The following LANCL3 variants were observed in gnomAD, a reference collection of about 807,000 sequenced individuals.
LANCL3 encodes LanC like family member 3.
Under a neutral mutation model 26.5 loss-of-function variants are expected in LANCL3, and 19 were observed. The ratio of observed to expected loss-of-function variants is 0.72; its 90% confidence interval spans 0.50 to 1.05. The LOEUF is 1.05. Ranked by LOEUF, LANCL3 falls within the 50% of genes least tolerant of loss-of-function variation. The pLI is 0.00. For synonymous variants in LANCL3, 160 were observed against 166.6 expected (o/e 0.96, Z 0.30); for missense variants, 318 against 362.7 (o/e 0.88, Z 1.00).
At chrX:37,617,811 A>T (rs923811855) in intron 1 of LANCL3, among the ~76,000 whole-genome samples, 1 of 111,928 alleles carries the variant, frequency 8.9e-6, no homozygotes, top group Non-Finnish European at 1.9e-5. Flanking sequence ...GAATGAAGGC[A>T]TGGAGGTGAA....
chrX:37,592,979 TAA>T (rs1924330478), intron 1 of LANCL3, among the ~76,000 whole-genome samples: 1 of 111,949 alleles, frequency 8.9e-6, no homozygotes, highest in South Asian at 3.7e-4. Context: ...TTTAGAAATT[TAA>T]AAGACAATGA....
intron 1 of LANCL3, among the ~76,000 whole-genome samples, chrX:37,581,074 A>G (rs1208939994): frequency 8.9e-6 from 1 of 112,256 alleles, no homozygotes; most frequent in Non-Finnish European, 1.9e-5. Context: ...CTGCATCTCT[A>G]CTGAGCTTCA....
intron 1 of LANCL3, among the ~76,000 whole-genome samples, chrX:37,594,146 T>C (rs1924361445): frequency 8.9e-6 from 1 of 111,763 alleles, no homozygotes; most frequent in Non-Finnish European, 1.9e-5. Flanking sequence ...TAGAATACAA[T>C]AACTGGTTGA....
At chrX:37,667,675 A>G (rs868980004) in intron 4 of LANCL3, among the ~76,000 whole-genome samples, 186 bp downstream of exon 4, 2 of 111,811 alleles carry the variant, frequency 1.8e-5, no homozygotes, top group African/African-American at 6.5e-5. Flanking sequence ...TTCTATATAC[A>G]TAGTGTATAA....
At chrX:37,673,491 G>A (rs1402987589) in intron 4 of LANCL3, among the ~76,000 whole-genome samples, 2 of 110,239 alleles carry the variant, frequency 1.8e-5, no homozygotes, top group African/African-American at 6.6e-5. Flanking sequence ...ATATTTTATT[G>A]TGTCTTCTAT....
intron 1 of LANCL3, among the ~76,000 whole-genome samples, chrX:37,587,729 AC>A (rs1441923678): frequency 8.9e-6 from 1 of 111,946 alleles, no homozygotes; most frequent in Non-Finnish European, 1.9e-5. Context: ...GAATTCCATG[AC>A]CCTTTGTGCT....
At chrX:37,669,344 G>A (rs781862447) in intron 4 of LANCL3, among the ~76,000 whole-genome samples, 2 of 111,269 alleles carry the variant, frequency 1.8e-5, no homozygotes, top group South Asian at 7.6e-4. Context: ...CACCATATGT[G>A]GCTGATATGG....
intron 1 of LANCL3, among the ~76,000 whole-genome samples, chrX:37,652,666 C>T (rs1396884335): frequency 1.8e-5 from 2 of 112,161 alleles, no homozygotes; most frequent in East Asian, 2.8e-4. Context: ...CAGGGAGCCC[C>T]GCTCTGCCAT....
At chrX:37,642,067 C>T (rs1282067673) in intron 1 of LANCL3, among the ~76,000 whole-genome samples, 3 of 111,881 alleles carry the variant, frequency 2.7e-5, no homozygotes, top group Non-Finnish European at 5.6e-5. Flanking sequence ...AGAGTGTTTT[C>T]TACTCTTTGT....
At chrX:37,615,107 A>G (rs112769046) in intron 1 of LANCL3, among the ~76,000 whole-genome samples, 1,410 of 112,166 alleles carry the variant, frequency 0.013, 19 homozygotes, top group African/African-American at 0.044. Context: ...CACAGATGGT[A>G]AATTGTAGAG....
At chrX:37,618,845 T>G (rs1925078101) in intron 1 of LANCL3, among the ~76,000 whole-genome samples, 2 of 112,025 alleles carry the variant, frequency 1.8e-5, no homozygotes, top group Non-Finnish European at 3.8e-5. Flanking sequence ...CATCTCTGTT[T>G]GGAGAGACAC....
At chrX:37,624,191 G>A (rs1422194845) in intron 1 of LANCL3, among the ~76,000 whole-genome samples, 4 of 111,729 alleles carry the variant, frequency 3.6e-5, no homozygotes, top group African/African-American at 9.8e-5. Flanking sequence ...TCTCTCAACG[G>A]TGTATGAGAG....
chrX:37,614,997 T>C (rs781942914), intron 1 of LANCL3, among the ~76,000 whole-genome samples: 18 of 112,327 alleles, frequency 1.6e-4, no homozygotes, highest in African/African-American at 5.5e-4. Context: ...TTCATTCATT[T>C]ACTTTTCTCA....
chrX:37,598,647 T>A (rs1422447102), intron 1 of LANCL3, among the ~76,000 whole-genome samples: 6 of 112,626 alleles, frequency 5.3e-5, no homozygotes, highest in Non-Finnish European at 1.1e-4. Flanking sequence ...GTATCACTCA[T>A]GTGTATACCT....
At chrX:37,607,224 C>T (rs1007981311) in intron 1 of LANCL3, among the ~76,000 whole-genome samples, 1 of 112,561 alleles carries the variant, frequency 8.9e-6, no homozygotes, top group Non-Finnish European at 1.9e-5. Context: ...TCTCTTTCTA[C>T]TTCCTGAACC....
At chrX:37,619,822 A>T (rs1286562402) in intron 1 of LANCL3, among the ~76,000 whole-genome samples, 1 of 111,797 alleles carries the variant, frequency 8.9e-6, no homozygotes, top group African/African-American at 3.3e-5. Context: ...TGGAAATGGA[A>T]AACAGCTGCG....
chrX:37,612,908 T>C (rs1602108019), intron 1 of LANCL3, among the ~76,000 whole-genome samples: 1 of 111,885 alleles, frequency 8.9e-6, no homozygotes, highest in African/African-American at 3.2e-5. Context: ...TTGAGCCCCC[T>C]GAGTGCTTGG....
intron 1 of LANCL3, among the ~76,000 whole-genome samples, chrX:37,583,171 T>G (rs1186553502): frequency 8.9e-6 from 1 of 111,885 alleles, no homozygotes; most frequent in Non-Finnish European, 1.9e-5. Flanking sequence ...GTTCCATTGA[T>G]CGATATCTCT....
chrX:37,575,200 G>A (rs1158582726), intron 1 of LANCL3, among the ~76,000 whole-genome samples: 1 of 110,613 alleles, frequency 9.0e-6, no homozygotes, highest in Non-Finnish European at 1.9e-5. Context: ...GTCCTGGGAT[G>A]ACAGTCATGA....
Sources: gnomAD v4.1 joint callset for allele counts (sites outside exome capture counted in the v4.1 genomes callset) on GRCh38, gnomAD v4.1.1 for gene constraint, MANE v1.5 for transcripts, NCBI Gene and HGNC (gene_info 2026-07-23, HGNC 2026-07-21) for gene names.